PPP6R3: variants seen among roughly 807,000 people sequenced by gnomAD.
PPP6R3 encodes the protein serine/threonine-protein phosphatase 6 regulatory subunit 3.
Under a neutral mutation model 110.7 loss-of-function variants are expected in PPP6R3, and 38 were observed. The ratio of observed to expected loss-of-function variants is 0.34; its 90% CI spans 0.26 to 0.45. The LOEUF (loss-of-function observed/expected upper bound fraction) is 0.45, where lower values mean the gene tolerates loss of function less well. PPP6R3 is among the 20% of genes least tolerant of loss of function. PPP6R3 has a pLI of 1.00. For synonymous variants in PPP6R3, 369 were observed against 373.5 expected, an observed-to-expected ratio of 0.99 and a Z score of 0.14; for missense variants, 870 against 1,062.4, an observed-to-expected ratio of 0.82 and a Z score of 2.52.
At chr11:68,529,785 A>G (rs1182145146) in intron 2 of PPP6R3, among the ~76,000 whole-genome samples, 1 of 152,194 alleles carries the variant, frequency 6.6e-6, no homozygotes, top group Non-Finnish European at 1.5e-5. Flanking sequence ...TCTATTTTAA[A>G]AAAGAGGAAA....
In PPP6R3 at chr11:68,551,112, G is replaced by GT; in HGVS notation, c.553-5dup. The GT allele has an allele frequency of 1.3e-6, 2 of 1,591,958 alleles. No homozygotes were observed. The highest frequency in any genetic ancestry group is 1.7e-6 in the Non-Finnish European group (2 of 1,161,740). On this transcript the variant is annotated splice_polypyrimidine_tract_variant and intron_variant, in intron 5 of 23. Transcript: ENST00000393800. ...ATTGCTATGATTACTTCTACAATGT[G>GT]TTTTACAGTGGTTAAATGAGGAGAA...
chr11:68,515,466 A>G (rs1249269456), intron 1 of PPP6R3, among the ~76,000 whole-genome samples: 2 of 46,342 alleles, frequency 4.3e-5, no homozygotes, highest in Non-Finnish European at 1.0e-4. Flanking sequence ...CAATGAGAAC[A>G]TAGAGAAGAG....
chr11:68,605,175 GCAAAAAATA>G (rs991586748), intron 22 of PPP6R3, among the ~76,000 whole-genome samples: 2 of 152,056 alleles, frequency 1.3e-5, no homozygotes, highest in Non-Finnish European at 2.9e-5. Context: ...TCCTGTCTCT[GCAAAAAATA>G]CAAAAATTAG....
chr11:68,527,805 A>G (rs770911483), intron 2 of PPP6R3, among the ~76,000 whole-genome samples: 11 of 152,048 alleles, frequency 7.2e-5, no homozygotes, highest in Admixed American at 2.6e-4. Flanking sequence ...CCACCTACCC[A>G]AAGGCTCCTC....
intron 20 of PPP6R3, among the ~76,000 whole-genome samples, chr11:68,601,520 A>G (rs770429781): frequency 1.1e-4 from 17 of 152,228 alleles, no homozygotes; most frequent in Non-Finnish European, 1.9e-4. Flanking sequence ...TACCGTTGCC[A>G]TTGCACAATG....
At chr11:68,600,046 C>T (rs149707349) in intron 19 of PPP6R3, among the ~76,000 whole-genome samples, 8,946 of 152,150 alleles carry the variant, frequency 0.059, 278 homozygotes, top group Middle Eastern at 0.13. Context: ...GGCGTGAACC[C>T]GGGAGGCGGA....
chr11:68,558,761 G>A (rs1381247338), intron 8 of PPP6R3, 82 bp downstream of exon 8: 4 of 1,048,086 alleles, frequency 3.8e-6, no homozygotes, highest in Admixed American at 4.1e-5. Context: ...TGGATAAGCT[G>A]TAATAGCGTA....
chr11:68,609,904 T>C lies in PPP6R3; in HGVS notation c.2451T>C (p.Ser817=), dbSNP rs1942497770. ...GTGCCTGTCATCCTCTTTACTGCAG[T>C]GAGGAAGGGAAACTGTCTACCTCTC... ...DAKTETAVFK[S]EEGKLSTSQD... is the part of the protein sequence containing the mutation. The change falls in exon 23 of 24, where the codon AGT becomes AGC. Residue 817 remains serine, a splice_region_variant and synonymous_variant. Transcript: ENST00000393800. The C allele has an allele frequency of 6.2e-7, 1 of 1,613,952 alleles. No individual in the cohort carries two copies. Among genetic ancestry groups the C allele is most frequent in the South Asian group, 1.1e-5 (1 of 91,064 alleles).
chr11:68,485,815 C>T (rs1223853176), intron 1 of PPP6R3, among the ~76,000 whole-genome samples: 3 of 152,120 alleles, frequency 2.0e-5, no homozygotes, highest in Non-Finnish European at 2.9e-5. Flanking sequence ...CTGTCTTAGT[C>T]TCCCAAGTAG....
intron 22 of PPP6R3, among the ~76,000 whole-genome samples, chr11:68,608,085 G>A (rs2153967897): frequency 6.7e-6 from 1 of 149,024 alleles, no homozygotes; most frequent in South Asian, 2.1e-4. Flanking sequence ...GCAAAGAGTT[G>A]AGTTAGATTA....
At chr11:68,573,984 C>G (rs1321531614) in intron 12 of PPP6R3, 125 bp from the exon 13 acceptor site, 1 of 635,542 alleles carries the variant, frequency 1.6e-6, no homozygotes, top group African/African-American at 1.8e-5. Flanking sequence ...CTTTTCTGTC[C>G]ATCGTCATTT....
intron 1 of PPP6R3, among the ~76,000 whole-genome samples, chr11:68,466,532 G>A (rs554195683): frequency 1.9e-3 from 271 of 142,738 alleles, no homozygotes; most frequent in Non-Finnish European, 1.8e-3. Flanking sequence ...TCTGCCTCCC[G>A]GGTTCACGCC....
chr11:68,546,883 C>T (rs1300397970), intron 4 of PPP6R3, among the ~76,000 whole-genome samples: 1 of 152,106 alleles, frequency 6.6e-6, no homozygotes, highest in African/African-American at 2.4e-5. Flanking sequence ...ATACTTGGGA[C>T]ACATGTGACT....
rs1194469199 is a variant in PPP6R3 at position 68,613,336 on chromosome 11, G to A, written c.*219G>A. On this transcript the variant is annotated 3_prime_UTR_variant, in exon 24 of 24. Coordinates refer to ENST00000393800, the MANE Select transcript of PPP6R3 (RefSeq NM_001164161.2). ...ACAAATACCAAGAATTTTTGCGTAT[G>A]TTTATATTGTATTGTTCTAAATAAT... 2 of 1,331,204 alleles carry A rather than the reference G, an allele frequency of 1.5e-6. No individual in the cohort carries two copies. Among genetic ancestry groups the A allele is most frequent in the Non-Finnish European group, 1.9e-6 (2 of 1,042,630 alleles). The allele number at this position is 1,331,204 out of a possible 1,614,324, so 82.5% of individuals were successfully genotyped here. A position where few individuals can be genotyped will look rare whatever the true frequency, so the allele number is the denominator to read the frequency against.
At chr11:68,461,415 C>T (rs1417052386) in intron 1 of PPP6R3, among the ~76,000 whole-genome samples, 4 of 150,854 alleles carry the variant, frequency 2.7e-5, no homozygotes, top group African/African-American at 4.9e-5. Context: ...AGTACCCTTC[C>T]CAGTGGCTTT....
At chr11:68,547,176 C>T (rs2099352610) in intron 4 of PPP6R3, among the ~76,000 whole-genome samples, 1 of 152,160 alleles carries the variant, frequency 6.6e-6, no homozygotes, top group Non-Finnish European at 1.5e-5. Flanking sequence ...CACCTTTTAG[C>T]TCTGGAAGAT....
At chr11:68,568,855 C>G (rs950546427) in intron 10 of PPP6R3, among the ~76,000 whole-genome samples, 4 of 151,720 alleles carry the variant, frequency 2.6e-5, no homozygotes, top group African/African-American at 9.7e-5. Flanking sequence ...AGCTCCGCCT[C>G]CTGGGTTCAC....
chr11:68,578,834 G>C (rs1363303845), intron 14 of PPP6R3, among the ~76,000 whole-genome samples: 1 of 152,148 alleles, frequency 6.6e-6, no homozygotes, highest in Non-Finnish European at 1.5e-5. Flanking sequence ...GTGTTTTTAT[G>C]TTTGGAGTTT....
At position 68,600,372 on chromosome 11, in the gene PPP6R3, A is replaced by C. The variant is rs867998581; in HGVS notation, c.2070A>C (p.Pro690=). 1.5e-5 allele frequency: 24 copies of C among 1,613,996 alleles called. No homozygotes were observed. Among genetic ancestry groups the C allele is most frequent in the Middle Eastern group, 1.6e-4 (1 of 6,084 alleles). The stretch of plus-strand genomic sequence containing the variant: ...ACTGGTCAGCTAACTTTGATGTCCC[A>C]ATGGAAACAACCCACGGTGCTCCAT... ...PPNWSANFDV[P]METTHGAPLD... The change falls in exon 20 of 24, where the codon CCA becomes CCC. Residue 690 remains proline, a synonymous_variant. Transcript: ENST00000393800.
Sources: gnomAD v4.1 joint callset for allele counts (sites outside exome capture counted in the v4.1 genomes callset) on GRCh38, gnomAD v4.1.1 for gene constraint, MANE v1.5 for transcripts, NCBI Gene and HGNC (gene_info 2026-07-23, HGNC 2026-07-21) for gene names.